TIAM2: variants seen among roughly 807,000 people sequenced by gnomAD.
TIAM2 encodes the protein rho guanine nucleotide exchange factor TIAM2.
TIAM2 carries 80 observed loss-of-function variants against 152.9 expected under a neutral mutation model. That is an observed-to-expected ratio of 0.52 (90% CI 0.44 to 0.63). The LOEUF (loss-of-function observed/expected upper bound fraction) is 0.63, where lower values mean the gene tolerates loss of function less well. Among genes scored for constraint, TIAM2 ranks in the 30% least tolerant of loss-of-function variants. TIAM2 has a pLI of 0.00. For missense variants in TIAM2, 1,965 were observed against 2,120.1 expected, an observed-to-expected ratio of 0.93 and a Z score of 1.44; for synonymous variants, 804 against 838.0, an observed-to-expected ratio of 0.96 and a Z score of 0.70.
At chr6:155,067,375 C>T (rs11758793) in intron 1 of TIAM2, among the ~76,000 whole-genome samples, 53,554 of 151,942 alleles carry the variant, frequency 0.35, 10,275 homozygotes, top group Middle Eastern at 0.48. Flanking sequence ...TTATTAGAGT[C>T]GGAACTCACA....
At chr6:155,027,551 G>C (rs1316655053) in intron 1 of TIAM2, among the ~76,000 whole-genome samples, 1 of 92,144 alleles carries the variant, frequency 1.1e-5, no homozygotes, top group Non-Finnish European at 2.2e-5. Context: ...TATATATACT[G>C]TGTTACATAT....
chr6:155,132,053 T>A (rs559345256), intron 4 of TIAM2, among the ~76,000 whole-genome samples: 5 of 152,022 alleles, frequency 3.3e-5, no homozygotes, highest in African/African-American at 1.2e-4. Flanking sequence ...CAAAGTGGCT[T>A]ATCCACCAGG....
At chr6:155,192,924 C>T (rs1045394697) in intron 14 of TIAM2, among the ~76,000 whole-genome samples, 2 of 152,166 alleles carry the variant, frequency 1.3e-5, no homozygotes, top group Middle Eastern at 6.3e-3. Context: ...GGTTGCAATG[C>T]GGAACCTGAG....
intron 1 of TIAM2, among the ~76,000 whole-genome samples, chr6:155,087,705 C>T (rs534342795): frequency 9.8e-4 from 149 of 151,982 alleles, no homozygotes; most frequent in African/African-American, 3.4e-3. Context: ...GCTGAGATCG[C>T]GCCATTACAC....
intron 8 of TIAM2, among the ~76,000 whole-genome samples, chr6:155,164,813 C>T (rs904846876): frequency 3.3e-5 from 5 of 152,184 alleles, no homozygotes; most frequent in Admixed American, 3.3e-4. Flanking sequence ...TTCTAGAGTC[C>T]AGCAGCTAGT....
At chr6:155,005,008 A>G in intron 1 of TIAM2, 2 of 500,094 alleles carry the variant, frequency 4.0e-6, no homozygotes, top group African/African-American at 2.0e-5. Flanking sequence ...CCCCATGTGA[A>G]GAGGCAGAAG....
At chr6:155,254,355 C>T (rs775737136) in intron 25 of TIAM2, 64 bp from the exon 26 acceptor site, 56 of 1,572,616 alleles carry the variant, frequency 3.6e-5, no homozygotes, top group Middle Eastern at 1.7e-4. Flanking sequence ...CACAGGCGGG[C>T]GTGGAATGGA....
At chr6:155,095,273 G>A (rs1055863440) in intron 2 of TIAM2, among the ~76,000 whole-genome samples, 7 of 152,144 alleles carry the variant, frequency 4.6e-5, no homozygotes, top group South Asian at 2.1e-4. Context: ...GAAGTTTTAG[G>A]ACTCTGTTCT....
At chr6:155,143,390 G>A (rs1200528508) in intron 5 of TIAM2, among the ~76,000 whole-genome samples, 1 of 152,142 alleles carries the variant, frequency 6.6e-6, no homozygotes, top group African/African-American at 2.4e-5. Context: ...AAAAGCATAT[G>A]TTGCAGTATT....
At chr6:155,104,046 C>A (rs1234956878) in intron 2 of TIAM2, among the ~76,000 whole-genome samples, 3 of 93,662 alleles carry the variant, frequency 3.2e-5, no homozygotes, top group East Asian at 2.2e-4. Context: ...ACACACCCCC[C>A]CCCCCACACC....
At position 155,257,126 on chromosome 6, in the gene TIAM2, A is replaced by G; in HGVS notation, c.*5A>G. 1 of 1,574,680 alleles carries G rather than the reference A, an allele frequency of 6.4e-7. No individual in the cohort carries two copies. The highest frequency in any genetic ancestry group is 1.1e-5 in the South Asian group (1 of 90,414). On this transcript the variant is annotated 3_prime_UTR_variant, in exon 27 of 27. Coordinates refer to ENST00000682666, the MANE Select transcript of TIAM2 (RefSeq NM_012454.4). Reference sequence around the variant, plus strand: ...GAGAGCCACGGAAAATCATAGTATGATTCAATCCAGATATGGGTTAAATTC... The same window carrying G: ...GAGAGCCACGGAAAATCATAGTATGGTTCAATCCAGATATGGGTTAAATTC...
At chr6:155,202,061 T>C (rs1463509388) in intron 14 of TIAM2, among the ~76,000 whole-genome samples, 1 of 152,204 alleles carries the variant, frequency 6.6e-6, no homozygotes, top group Non-Finnish European at 1.5e-5. Context: ...GTCCCAGATA[T>C]GGTCAGAAGA....
intron 1 of TIAM2, among the ~76,000 whole-genome samples, chr6:155,062,400 T>C (rs1433268182): frequency 1.3e-5 from 2 of 152,126 alleles, no homozygotes; most frequent in East Asian, 3.9e-4. Flanking sequence ...GTTTTAGCTT[T>C]ATAAGACACT....
intron 7 of TIAM2, among the ~76,000 whole-genome samples, chr6:155,158,585 C>G (rs911638946): frequency 1.3e-5 from 2 of 151,262 alleles, no homozygotes; most frequent in African/African-American, 2.4e-5. Context: ...CAGGGTCTCA[C>G]TCTGTTGCCC....
At chr6:155,049,995 T>C (rs1777282967) in intron 1 of TIAM2, among the ~76,000 whole-genome samples, 1 of 152,220 alleles carries the variant, frequency 6.6e-6, no homozygotes, top group Non-Finnish European at 1.5e-5. Flanking sequence ...ATATTTTTGC[T>C]TTAGGTTCAG....
chr6:155,164,484 A>G lies in TIAM2; in HGVS notation c.2098A>G (p.Ser700Gly), dbSNP rs1372021479. The stretch of plus-strand genomic sequence containing the variant: ...GTTCAGGATGCGCTGCTATCTGGCC[A>G]GCCTACAAGGTGGGGAGTTACCGAA... ...DLFRMRCYLASLQGGELPNPK... is the reference protein window; with the variant it reads ...DLFRMRCYLAGLQGGELPNPK... Residue 700 changes from serine (S) to glycine (G), a missense_variant, in exon 8 of 27, where the codon AGC becomes GGC. Ser to Gly is a moderately conservative substitution (Grantham distance 56). Coordinates refer to ENST00000682666, the MANE Select transcript of TIAM2 (RefSeq NM_012454.4). The G allele has an allele frequency of 1.9e-6, 3 of 1,614,002 alleles. No homozygotes were observed. The highest frequency in any genetic ancestry group is 2.5e-6 in the Non-Finnish European group (3 of 1,180,026).
intron 1 of TIAM2, among the ~76,000 whole-genome samples, chr6:155,039,425 G>C (rs545348278): frequency 4.6e-5 from 7 of 152,236 alleles, no homozygotes; most frequent in Non-Finnish European, 8.8e-5. Context: ...TCTTGCATGG[G>C]TCTTGTCTGG....
At chr6:155,070,209 C>CTTTTTTTTTTTTTTTTTTTT (rs559307371) in intron 1 of TIAM2, among the ~76,000 whole-genome samples, 1 of 44,126 alleles carries the variant, frequency 2.3e-5, no homozygotes, top group Non-Finnish European at 3.7e-5. Flanking sequence ...CCTGGCCAGA[C>CTTTTTTTTTTTTTTTTTTTT]TTTTTTTTTT....
chr6:155,185,967 C>T (rs1781035150), intron 14 of TIAM2, among the ~76,000 whole-genome samples: 1 of 152,142 alleles, frequency 6.6e-6, no homozygotes, highest in Non-Finnish European at 1.5e-5. Context: ...TTTTTCTTTT[C>T]GAGGTAGTTG....
Sources: gnomAD v4.1 joint callset for allele counts (sites outside exome capture counted in the v4.1 genomes callset) on GRCh38, gnomAD v4.1.1 for gene constraint, MANE v1.5 for transcripts, NCBI Gene and HGNC (gene_info 2026-07-23, HGNC 2026-07-21) for gene names.